ANKRD22: variants seen among roughly 807,000 people sequenced by gnomAD.
The protein encoded by ANKRD22 is ankyrin repeat domain 22.
Under a neutral mutation model 25.7 loss-of-function variants are expected in ANKRD22, and 24 were observed. The observed-to-expected ratio is 0.93, with a 90% confidence interval of 0.68 to 1.31. The LOEUF (loss-of-function observed/expected upper bound fraction) is 1.31, where lower values mean the gene tolerates loss of function less well. Ranked by LOEUF, ANKRD22 falls within the 50% of genes most tolerant of loss-of-function variation. The pLI, the probability that ANKRD22 is intolerant of heterozygous loss-of-function variation, is 0.00. For synonymous variants in ANKRD22, 84 were observed against 84.3 expected, an observed-to-expected ratio of 1.00 and a Z score of 0.02; for missense variants, 214 against 227.1, an observed-to-expected ratio of 0.94 and a Z score of 0.37.
intron 1 of ANKRD22, among the ~76,000 whole-genome samples, chr10:88,832,768 G>C (rs2133074290): frequency 6.6e-6 from 1 of 152,230 alleles, no homozygotes; most frequent in Admixed American, 6.5e-5. Context: ...AAGGCACCAT[G>C]GGAGTTTAAT....
Position 88,820,116 on chromosome 10 carries a change from AC to A in ANKRD22, c.*2824del. 1.3e-6 allele frequency: 1 copy of A among 770,254 alleles called. No homozygotes were observed. The highest frequency in any genetic ancestry group is 2.7e-5 in the East Asian group (1 of 36,812). The allele number at this position is 770,254 out of a possible 1,614,324, so 47.7% of individuals were successfully genotyped here. A position where few individuals can be genotyped will look rare whatever the true frequency, so the allele number is the denominator to read the frequency against. On this transcript the variant is annotated 3_prime_UTR_variant, in exon 6 of 6. Coordinates refer to ENST00000371930, the MANE Select transcript of ANKRD22 (RefSeq NM_144590.3). Reference sequence around the variant, plus strand: ...CTTAACAGAGTTGTGTGGCTCTAACACCCATGTACCCTTCACCACAACAGAT... The same window carrying A: ...CTTAACAGAGTTGTGTGGCTCTAACACCATGTACCCTTCACCACAACAGAT...
chr10:88,837,617 A>G (rs1428764159), intron 1 of ANKRD22, among the ~76,000 whole-genome samples: 1 of 152,198 alleles, frequency 6.6e-6, no homozygotes, highest in Non-Finnish European at 1.5e-5. Context: ...ATACTACTAT[A>G]TATTTGTCAT....
chr10:88,838,420 GAGAC>G (rs1843975315), intron 1 of ANKRD22, among the ~76,000 whole-genome samples: 1 of 152,180 alleles, frequency 6.6e-6, no homozygotes, highest in South Asian at 2.1e-4. Flanking sequence ...CAAAAAGAGA[GAGAC>G]AAGCAAATAG....
chr10:88,832,481 ATCTTT>A, intron 1 of ANKRD22, among the ~76,000 whole-genome samples: 2 of 152,110 alleles, frequency 1.3e-5, no homozygotes, highest in Middle Eastern at 3.4e-3. Context: ...AAGATAAAAT[ATCTTT>A]ATCTTTAGTA....
chr10:88,839,660 G>T (rs187324675), intron 1 of ANKRD22, among the ~76,000 whole-genome samples: 126 of 152,248 alleles, frequency 8.3e-4, no homozygotes, highest in African/African-American at 2.7e-3. Context: ...CCCTCCTGAA[G>T]TTAGGCTTCC....
At chr10:88,835,394 T>G (rs758469897) in intron 1 of ANKRD22, among the ~76,000 whole-genome samples, 1 of 152,144 alleles carries the variant, frequency 6.6e-6, no homozygotes, top group Non-Finnish European at 1.5e-5. Flanking sequence ...CAGGGATACG[T>G]TCTGAGAAAT....
In ANKRD22 at chr10:88,821,542, A is replaced by G. The variant is rs985309340; in HGVS notation, c.*1399T>C. 8.5e-5 allele frequency among the ~76,000 whole-genome samples: 13 copies of G among 152,202 alleles called. No individual in the cohort carries two copies. Among genetic ancestry groups the G allele is most frequent in the African/African-American group, 2.4e-4 (10 of 41,448 alleles). ...CACTTGTGTGGGTTTTTTGTCCCCA[A>G]GGGTCACCTGGTAGCTCAGCTCAAT... On this transcript the variant is annotated 3_prime_UTR_variant, in exon 6 of 6. Transcript: ENST00000371930.
At chr10:88,830,317 G>A (rs1843892052) in intron 2 of ANKRD22, among the ~76,000 whole-genome samples, 1 of 151,876 alleles carries the variant, frequency 6.6e-6, no homozygotes, top group Non-Finnish European at 1.5e-5. Context: ...TTTAATCTTG[G>A]TCAGTTTGAC....
At chr10:88,835,006 T>C (rs1246897080) in intron 1 of ANKRD22, among the ~76,000 whole-genome samples, 2 of 152,000 alleles carry the variant, frequency 1.3e-5, no homozygotes, top group Non-Finnish European at 2.9e-5. Flanking sequence ...GGATACCAAA[T>C]AACTGGTGCT....
At chr10:88,834,594 C>T (rs945592714) in intron 1 of ANKRD22, among the ~76,000 whole-genome samples, 4 of 152,148 alleles carry the variant, frequency 2.6e-5, no homozygotes, top group African/African-American at 9.7e-5. Flanking sequence ...ATTTAAAAAA[C>T]TAGAATATTT....
intron 1 of ANKRD22, 114 bp downstream of exon 1, chr10:88,851,473 C>T: frequency 8.8e-7 from 1 of 1,141,364 alleles, no homozygotes; most frequent in South Asian, 1.3e-5. Context: ...AATGCTCCCC[C>T]AGGGAGTTGA....
chr10:88,837,487 A>G (rs1001659375), intron 1 of ANKRD22, among the ~76,000 whole-genome samples: 1 of 152,228 alleles, frequency 6.6e-6, no homozygotes, highest in Non-Finnish European at 1.5e-5. Context: ...TCTCCTACAT[A>G]GAAGGAAAAT....
chr10:88,849,997 T>TG (rs961750797), intron 1 of ANKRD22, among the ~76,000 whole-genome samples: 1 of 151,028 alleles, frequency 6.6e-6, no homozygotes, highest in African/African-American at 2.4e-5. Flanking sequence ...GCACTCAAAT[T>TG]GGGGGAAGTT....
chr10:88,847,550 C>T (rs1387764698), intron 1 of ANKRD22, among the ~76,000 whole-genome samples: 6 of 152,108 alleles, frequency 3.9e-5, no homozygotes, highest in African/African-American at 1.2e-4. Flanking sequence ...TGAGCCACTG[C>T]GCCTGGCCTC....
chr10:88,831,676 T>A (rs1271848583), intron 2 of ANKRD22, among the ~76,000 whole-genome samples, 159 bp downstream of exon 2: 1 of 152,208 alleles, frequency 6.6e-6, no homozygotes, highest in Non-Finnish European at 1.5e-5. Context: ...CCTAATAAAA[T>A]GTCCTTGGTA....
At chr10:88,843,615 A>G (rs1469198010) in intron 1 of ANKRD22, among the ~76,000 whole-genome samples, 1 of 152,310 alleles carries the variant, frequency 6.6e-6, no homozygotes, top group Admixed American at 6.5e-5. Context: ...CAGTGTAACA[A>G]GTAAGTTTTT....
chr10:88,845,157 T>A (rs1844036426), intron 1 of ANKRD22, among the ~76,000 whole-genome samples: 1 of 152,134 alleles, frequency 6.6e-6, no homozygotes, highest in African/African-American at 2.4e-5. Context: ...GTTTTCAATG[T>A]TGAATAAAGA....
Position 88,820,162 on chromosome 10 carries a change from T to C in ANKRD22, c.*2779A>G. 1 of 1,278,112 alleles carries C rather than the reference T, an allele frequency of 7.8e-7. No homozygotes were observed. The allele number at this position is 1,278,112 out of a possible 1,614,324, so 79.2% of individuals were successfully genotyped here. A position where few individuals can be genotyped will look rare whatever the true frequency, so the allele number is the denominator to read the frequency against. Reference sequence around the variant, plus strand: ...ACAGATGGCATGTTTATTATGTCTATTTGAAACATAAATTATGAGCCTGAA... The same window carrying C: ...ACAGATGGCATGTTTATTATGTCTACTTGAAACATAAATTATGAGCCTGAA... On this transcript the variant is annotated 3_prime_UTR_variant, in exon 6 of 6. Transcript: ENST00000371930.
rs200441199 is a variant in ANKRD22, at chr10:88,831,994, A to G, written c.54T>C (p.Phe18=). The G allele has an allele frequency of 5.6e-6, 9 of 1,613,082 alleles. No homozygotes were observed. In the East Asian group the frequency reaches 1.3e-4, roughly 24 times the overall value. Residue 18 remains phenylalanine, a synonymous_variant, in exon 2 of 6, where the codon TTT becomes TTC. Transcript: ENST00000371930. ...CTTTCACCCACCGCCACACTTGTCC[A>G]AAGTCATTCTGATAGGCTGCTTGGC... ...PICQAAYQND[F]GQVWRWVKED...
Sources: gnomAD v4.1 joint callset for allele counts (sites outside exome capture counted in the v4.1 genomes callset) on GRCh38, gnomAD v4.1.1 for gene constraint, MANE v1.5 for transcripts, NCBI Gene and HGNC (gene_info 2026-07-23, HGNC 2026-07-21) for gene names.